Variants in ADGRB2 observed in about 807,000 individuals in gnomAD.
ADGRB2 encodes adhesion G protein-coupled receptor B2.
In ADGRB2, 47 loss-of-function variants were observed where a neutral mutation model predicts 178.7. That is an observed-to-expected ratio of 0.26 (90% CI 0.21 to 0.34). The LOEUF (loss-of-function observed/expected upper bound fraction) is 0.34, where lower values mean the gene tolerates loss of function less well. ADGRB2 is among the 10% of genes least tolerant of loss of function. The probability of loss-of-function intolerance (pLI) is 1.00; values close to 1 mark genes in which losing one functional copy is unlikely to be tolerated. For missense variants in ADGRB2, 1,584 were observed against 2,180.8 expected (o/e 0.73, Z 5.45); for synonymous variants, 870 against 912.4 (o/e 0.95, Z 0.84).
In ADGRB2 at chr1:31,735,301, T is replaced by C. The variant is rs1219328302; in HGVS notation, c.3354-20A>G. The C allele has an allele frequency of 1.1e-5, 15 of 1,422,732 alleles. No individual in the cohort carries two copies. Among genetic ancestry groups the C allele is most frequent in the Non-Finnish European group, 1.3e-5 (14 of 1,072,808 alleles). The allele number at this position is 1,422,732 out of a possible 1,614,324, so 88.1% of individuals were successfully genotyped here. A position where few individuals can be genotyped will look rare whatever the true frequency, so the allele number is the denominator to read the frequency against. On this transcript the variant is annotated intron_variant, in intron 24 of 32. Transcript: ENST00000373658. This position sits in a 1 kb window ranked among gnomAD's most constrained non-coding sequence, Gnocchi z 6.0. Reference sequence around the variant, plus strand: ...TCCGACCTCGGGGGCGGCACAGACATGGGAGAAGGAGGGGAAACACATGGG... The same window carrying C: ...TCCGACCTCGGGGGCGGCACAGACACGGGAGAAGGAGGGGAAACACATGGG...
intron 4 of ADGRB2, among the ~76,000 whole-genome samples, chr1:31,749,981 A>C (rs1001830090): frequency 6.6e-6 from 1 of 150,830 alleles, no homozygotes; most frequent in African/African-American, 2.5e-5. Context: ...AAAGAACAAA[A>C]AAGAAAGAAA....
At position 31,756,340 on chromosome 1, in the gene ADGRB2, G is replaced by T. The variant is rs1160345823; in HGVS notation, c.497C>A (p.Pro166His). The T allele has an allele frequency of 6.2e-7, 1 of 1,612,966 alleles. No individual in the cohort carries two copies. Among genetic ancestry groups the T allele is most frequent in the Non-Finnish European group, 8.5e-7 (1 of 1,179,964 alleles). Residue 166 changes from proline (P) to histidine (H), a missense_variant, in exon 4 of 33, where the codon CCC (proline) becomes CAC (histidine). Physicochemically the swap from Pro to His is moderately conservative, Grantham distance 77. Transcript: ENST00000373658. This position sits in a 1 kb window ranked among gnomAD's most constrained non-coding sequence, Gnocchi z 8.5. ...NFVQLCLSAE[P>H]SEAPRLLAPA... ...CGCCAGCAGGCGCGGGGCCTCGGAG[G>T]GCTCAGCCGACAGGCACAGCTGCAC...
At chr1:31,749,286 C>G (rs1465679054) in intron 4 of ADGRB2, among the ~76,000 whole-genome samples, 1 of 152,228 alleles carries the variant, frequency 6.6e-6, no homozygotes, top group Non-Finnish European at 1.5e-5. Flanking sequence ...GGCTCCTCCA[C>G]GGCTACAGCC....
At position 31,744,070 on chromosome 1, in the gene ADGRB2, G is replaced by A; in HGVS notation, c.1087+123C>T. On this transcript the variant is annotated intron_variant, in intron 6 of 32. Transcript: ENST00000373658. This position sits in a 1 kb window ranked among gnomAD's most constrained non-coding sequence, Gnocchi z 6.7. The stretch of plus-strand genomic sequence containing the variant: ...GTACGCAGAGTTGGGCATGGTGTGG[G>A]GAACAGCCACATTTGTTGAATGAAA... 1 of 1,278,466 alleles carries A rather than the reference G, an allele frequency of 7.8e-7. No homozygotes were observed. The highest frequency in any genetic ancestry group is 1.1e-6 in the Non-Finnish European group (1 of 944,882). 79.2% of individuals were successfully genotyped at this position (1,278,466 alleles called of 1,614,324 possible).
chr1:31,732,980 G>A lies in ADGRB2; in HGVS notation c.3616C>T (p.Arg1206Cys), dbSNP rs151028224. 25 of 1,555,794 alleles carry A rather than the reference G, an allele frequency of 1.6e-5. No homozygotes were observed. Among genetic ancestry groups the A allele is most frequent in the African/African-American group, 1.1e-4 (8 of 73,234 alleles). The change falls in exon 26 of 33, where the codon CGC becomes TGC. Residue 1206 changes from arginine to cysteine, a missense_variant. Arg to Cys is a radical substitution (Grantham distance 180). This residue lies in a region of ADGRB2 where 865 missense variants were observed against 1,192.8 expected (regional missense o/e 0.73). Transcript: ENST00000373658. ...FVITAVHCFL[R>C]REVQDVVKCQ... The stretch of plus-strand genomic sequence containing the variant: ...GAGAGGCCCAGCCCCACCTCTCGGC[G>A]CAGGAAGCAGTGCACAGCAGTGATG...
rs1392814148 is a variant in ADGRB2, at chr1:31,750,145, AG to A, written c.839-5415del. 2.6e-5 allele frequency among the ~76,000 whole-genome samples: 4 copies of A among 152,180 alleles called. No individual in the cohort carries two copies. In the South Asian group the frequency reaches 8.3e-4, roughly 32 times the overall value. On this transcript the variant is annotated intron_variant, in intron 4 of 32. Transcript: ENST00000373658. ...CTACATGTCAGTTGCCACCTCCTCCAGGAAGCCTTCCTAGACTGACAATACA... is the reference window on the plus strand; with the variant it reads ...CTACATGTCAGTTGCCACCTCCTCCAGAAGCCTTCCTAGACTGACAATACA...
At position 31,740,070 on chromosome 1, in the gene ADGRB2, G is replaced by A; in HGVS notation, c.2059-36C>T. 2.5e-6 allele frequency: 4 copies of A among 1,614,166 alleles called. No homozygotes were observed. Among genetic ancestry groups the A allele is most frequent in the South Asian group, 1.1e-5 (1 of 91,086 alleles). On this transcript the variant is annotated intron_variant, in intron 13 of 32. Coordinates refer to ENST00000373658, the MANE Select transcript of ADGRB2 (RefSeq NM_001364857.2). The surrounding 1 kb of genome is among the most constrained non-coding windows in gnomAD (Gnocchi z 5.9). The stretch of plus-strand genomic sequence containing the variant: ...AAAGTGTGTAAGGGTCCAAGGCAGG[G>A]TGGGTCACGGGAGGAGAAGCTGGCA...
chr1:31,749,126 C>T (rs1294018100), intron 4 of ADGRB2, among the ~76,000 whole-genome samples: 1 of 152,226 alleles, frequency 6.6e-6, no homozygotes, highest in African/African-American at 2.4e-5. Context: ...CCCTCTTATC[C>T]TGTTTTCGTG....
rs145126817 is a variant in ADGRB2 at position 31,735,590 on chromosome 1, G to C, written c.3343C>G (p.Gln1115Glu). 6.2e-7 allele frequency: 1 copy of C among 1,613,832 alleles called. No individual in the cohort carries two copies. Among genetic ancestry groups the C allele is most frequent in the African/African-American group, 1.3e-5 (1 of 74,896 alleles). The change falls in exon 24 of 33, where the codon CAG (glutamine) becomes GAG (glutamate). Residue 1115 changes from glutamine (Q) to glutamate (E), a missense_variant. Coordinates refer to ENST00000373658, the MANE Select transcript of ADGRB2 (RefSeq NM_001364857.2). The surrounding 1 kb of genome is among the most constrained non-coding windows in gnomAD (Gnocchi z 6.0). ...RDGISDKSKK[Q>E]RAGSERCPWA... ...AGGCCCCCCCCTTACCCGGCCCTCT[G>C]CTTCTTGGATTTGTCGGAGATGCCA...
At chr1:31,763,739 C>G (rs1415129490) in intron 1 of ADGRB2, 145 bp downstream of exon 1, 3 of 967,252 alleles carry the variant, frequency 3.1e-6, no homozygotes, top group Non-Finnish European at 3.7e-6. Context: ...TGGGCGAACG[C>G]TGAACGAACT....
rs138892038 is a variant in ADGRB2 at position 31,758,503 on chromosome 1, T to C, written c.-190-992A>G. 1.3e-5 allele frequency among the ~76,000 whole-genome samples: 2 copies of C among 151,924 alleles called. No homozygotes were observed. The highest frequency in any genetic ancestry group is 4.8e-5 in the African/African-American group (2 of 41,412). The stretch of plus-strand genomic sequence containing the variant: ...AGACTTCCCCTTGGGTCTTCAGGAG[T>C]CTAAACAGCAGGCAGAGGGGGGACA... On this transcript the variant is annotated intron_variant, in intron 1 of 32. Transcript: ENST00000373658. The surrounding 1 kb of genome is among the most constrained non-coding windows in gnomAD (Gnocchi z 4.2).
At chr1:31,750,999 G>A (rs527579750) in intron 4 of ADGRB2, among the ~76,000 whole-genome samples, 18 of 152,134 alleles carry the variant, frequency 1.2e-4, no homozygotes, top group Admixed American at 2.0e-4. Context: ...AGCAGGGATC[G>A]TGTCTGACTC....
At chr1:31,748,653 C>T (rs544796006) in intron 4 of ADGRB2, among the ~76,000 whole-genome samples, 2 of 152,250 alleles carry the variant, frequency 1.3e-5, no homozygotes, top group Non-Finnish European at 2.9e-5. Flanking sequence ...GTGAGCTCAG[C>T]GGCTTGTGGG....
At position 31,736,609 on chromosome 1, in the gene ADGRB2, G is replaced by T; in HGVS notation, c.3094C>A (p.Arg1032Ser). Reference sequence around the variant, plus strand: ...CAGAGGAAGCGCTTGCGAACGAGGCGGGTGCGCATCCGCCCAATGACAGCC... The same window carrying T: ...CAGAGGAAGCGCTTGCGAACGAGGCTGGTGCGCATCCGCCCAATGACAGCC... Reference protein sequence around the residue: ...YLAVIGRMRTRLVRKRFLCLG... With the variant: ...YLAVIGRMRTSLVRKRFLCLG... The change falls in exon 21 of 33, where the codon CGC (arginine) becomes AGC (serine). Residue 1032 changes from arginine to serine, a missense_variant. Physicochemically the swap from Arg to Ser is moderately radical, Grantham distance 110 (BLOSUM62 -1). This residue lies in a region of ADGRB2 where 865 missense variants were observed against 1,192.8 expected (regional missense o/e 0.73). Coordinates refer to ENST00000373658, the MANE Select transcript of ADGRB2 (RefSeq NM_001364857.2). The T allele has an allele frequency of 6.2e-7, 1 of 1,614,148 alleles. No individual in the cohort carries two copies. Among genetic ancestry groups the T allele is most frequent in the South Asian group, 1.1e-5 (1 of 91,082 alleles).
chr1:31,740,541 G>T lies in ADGRB2; in HGVS notation c.1795C>A (p.Leu599Ile). ...SHEYRYLYLS[L>I]REHLAKGQRM... ...TGCCCCTTGGCCAGGTGCTCCCTAA[G>T]CTGTAGGTGATGAGGGGGCCACAGT... Residue 599 changes from leucine (L) to isoleucine (I), a missense_variant and splice_region_variant, in exon 12 of 33, where the codon CTT (leucine) becomes ATT (isoleucine). Leu to Ile is a conservative substitution (Grantham distance 5). Around this residue, in one of 3 missense-constraint regions of ADGRB2, gnomAD observed 657 missense variants for 847.6 expected, o/e 0.78. Coordinates refer to ENST00000373658, the MANE Select transcript of ADGRB2 (RefSeq NM_001364857.2). This position sits in a 1 kb window ranked among gnomAD's most constrained non-coding sequence, Gnocchi z 5.9. The T allele has an allele frequency of 1.3e-6, 2 of 1,597,614 alleles. No homozygotes were observed. The highest frequency in any genetic ancestry group is 1.7e-6 in the Non-Finnish European group (2 of 1,171,278).
At chr1:31,745,066 CTCCTTTAG>C (rs1646203597) in intron 4 of ADGRB2, among the ~76,000 whole-genome samples, 1 of 152,222 alleles carries the variant, frequency 6.6e-6, no homozygotes, top group Non-Finnish European at 1.5e-5. Context: ...CCATAACCCT[CTCCTTTAG>C]TCCTCTCACT....
chr1:31,742,812 C>G, intron 7 of ADGRB2, 26 bp downstream of exon 7: 2 of 1,413,044 alleles, frequency 1.4e-6, no homozygotes, highest in Non-Finnish European at 9.3e-7. Flanking sequence ...GCAGCGCCCT[C>G]ATGGAAGCCC....
intron 29 of ADGRB2, 87 bp downstream of exon 29, chr1:31,730,713 C>G (rs1003932907): frequency 1.4e-6 from 2 of 1,391,826 alleles, no homozygotes; most frequent in African/African-American, 2.9e-5. Flanking sequence ...AGAGGCCGCT[C>G]TGGGGAGGAT....
At chr1:31,734,162 TAA>T (rs1240877213) in intron 25 of ADGRB2, among the ~76,000 whole-genome samples, 1 of 152,186 alleles carries the variant, frequency 6.6e-6, no homozygotes, top group African/African-American at 2.4e-5. Context: ...TAGCCAAGAC[TAA>T]GAGAGGGTCT....
Sources: gnomAD v4.1 joint callset for allele counts (sites outside exome capture counted in the v4.1 genomes callset) on GRCh38, gnomAD v4.1.1 for gene constraint, gnomAD v4.1.1 regional missense constraint, Gnocchi (gnomAD v3.1) non-coding constraint, MANE v1.5 for transcripts, NCBI Gene and HGNC (gene_info 2026-07-23, HGNC 2026-07-21) for gene names.